CCNE1: variants seen among roughly 807,000 people sequenced by gnomAD.
CCNE1 encodes cyclin E1.
In CCNE1, 8 loss-of-function variants were observed where a neutral mutation model predicts 54.1. The ratio of observed to expected loss-of-function variants is 0.15; its 90% CI spans 0.09 to 0.27. CCNE1 has a LOEUF of 0.27. CCNE1 is among the 10% of genes least tolerant of loss of function. The probability of loss-of-function intolerance (pLI) is 1.00; values close to 1 mark genes in which losing one functional copy is unlikely to be tolerated. For missense variants in CCNE1, 430 were observed against 514.9 expected, an observed-to-expected ratio of 0.84 and a Z score of 1.60; for synonymous variants, 179 against 185.2, an observed-to-expected ratio of 0.97 and a Z score of 0.27.
chr19:29,821,139 C>T (rs1345523409), intron 7 of CCNE1, among the ~76,000 whole-genome samples: 1 of 152,068 alleles, frequency 6.6e-6, no homozygotes, highest in Admixed American at 6.6e-5. Context: ...TGGCTCAAGC[C>T]TATAATCCCA....
At chr19:29,814,424 T>C (rs555361426) in intron 4 of CCNE1, among the ~76,000 whole-genome samples, 9 of 152,302 alleles carry the variant, frequency 5.9e-5, no homozygotes, top group African/African-American at 1.2e-4. Flanking sequence ...CTGGGACGGA[T>C]TGTGGCTCTG....
In CCNE1 at chr19:29,822,067, A is replaced by G. The variant is rs148689492; in HGVS notation, c.777A>G (p.Leu259=). ...WLNVYMQVAY[L]NDLHEVLLPQ... is the part of the protein sequence containing the mutation. ...ATGTATACATGCAGGTTGCATATCT[A>G]AATGACTTACATGAAGTGCTACTGC... The change falls in exon 9 of 12, where the codon CTA becomes CTG. Residue 259 remains leucine, a synonymous_variant. Coordinates refer to ENST00000262643, the MANE Select transcript of CCNE1 (RefSeq NM_001238.4). The G allele has an allele frequency of 4.6e-5, 74 of 1,614,104 alleles. No individual in the cohort carries two copies. The African/African-American group carries it at 9.2e-4, about 20-fold the overall frequency.
chr19:29,817,166 C>A lies in CCNE1; in HGVS notation c.210C>A (p.Asp70Glu), dbSNP rs746361520. ...GGGACAATAATGCAGTCTGTGCAGACCCCTGCTCCCTGATCCCCACACCTG... is the reference window on the plus strand; with the variant it reads ...GGGACAATAATGCAGTCTGTGCAGAACCCTGCTCCCTGATCCCCACACCTG... ...QPWDNNAVCA[D>E]PCSLIPTPDK... Residue 70 changes from aspartate to glutamate, a missense_variant, in exon 5 of 12, where the codon GAC (aspartate) becomes GAA (glutamate). Physicochemically the swap from Asp to Glu is conservative, Grantham distance 45. Coordinates refer to ENST00000262643, the MANE Select transcript of CCNE1 (RefSeq NM_001238.4). The A allele has an allele frequency of 6.2e-7, 1 of 1,614,030 alleles. No individual in the cohort carries two copies. Among genetic ancestry groups the A allele is most frequent in the Non-Finnish European group, 8.5e-7 (1 of 1,180,004 alleles).
intron 4 of CCNE1, among the ~76,000 whole-genome samples, chr19:29,816,127 G>A (rs1465451161): frequency 1.4e-5 from 2 of 148,028 alleles, no homozygotes; most frequent in Non-Finnish European, 3.0e-5. Context: ...CTGCACTCCA[G>A]CCTGGGGAAC....
chr19:29,820,610 T>C, intron 6 of CCNE1, 92 bp from the exon 7 acceptor site: 1 of 920,880 alleles, frequency 1.1e-6, no homozygotes, highest in Non-Finnish European at 1.7e-6. Flanking sequence ...GCATTTTATA[T>C]TTTCCTTCAC....
Position 29,822,523 on chromosome 19 carries a change from T to C in CCNE1, c.1030T>C (p.Ser344Pro), listed in dbSNP as rs1306461910. Residue 344 changes from serine to proline, a missense_variant, in exon 11 of 12, where the codon TCA (serine) becomes CCA (proline). By Grantham distance (74) the Ser-to-Pro change is moderately conservative. Transcript: ENST00000262643. ...FAMVIRETGS[S>P]KLKHFRGVAD... ...CATGGTTATAAGGGAGACGGGGAGC[T>C]CAAAACTGAAGCACTTCAGGGGCGT... The C allele has an allele frequency of 1.2e-6, 2 of 1,613,954 alleles. No individual in the cohort carries two copies. Among genetic ancestry groups the C allele is most frequent in the Non-Finnish European group, 1.7e-6 (2 of 1,179,984 alleles).
chr19:29,820,758 T>C lies in CCNE1; in HGVS notation c.519T>C (p.Phe173=). The part of the protein sequence containing the change: ...RETFYLAQDF[F]DRYMATQENV... ...CCTTTTACTTGGCACAAGATTTCTTTGACCGGTATATGGCGACACAAGAAA... is the reference window on the plus strand; with the variant it reads ...CCTTTTACTTGGCACAAGATTTCTTCGACCGGTATATGGCGACACAAGAAA... Residue 173 remains phenylalanine, a synonymous_variant, in exon 7 of 12, where the codon TTT becomes TTC. Transcript: ENST00000262643. 6.2e-7 allele frequency: 1 copy of C among 1,611,308 alleles called. No individual in the cohort carries two copies. The highest frequency in any genetic ancestry group is 8.5e-7 in the Non-Finnish European group (1 of 1,177,662).
intron 4 of CCNE1, 132 bp downstream of exon 4, chr19:29,813,169 A>G: frequency 2.6e-6 from 2 of 778,290 alleles, no homozygotes; most frequent in Non-Finnish European, 4.3e-6. Context: ...CACAGCCCAT[A>G]TGGCCCAGCA....
intron 4 of CCNE1, chr19:29,813,462 A>T: frequency 6.0e-6 from 1 of 165,964 alleles, no homozygotes; most frequent in Non-Finnish European, 1.3e-5. Context: ...GTTTATAAGC[A>T]ACAACTTTCC....
At chr19:29,813,392 C>T (rs962006112) in intron 4 of CCNE1, 2 of 225,628 alleles carry the variant, frequency 8.9e-6, no homozygotes, top group Non-Finnish European at 1.7e-5. Flanking sequence ...CATCCAGGGG[C>T]AAAGTTGGGC....
At position 29,822,501 on chromosome 19, in the gene CCNE1, G is replaced by T. The variant is rs1599604412; in HGVS notation, c.1008G>T (p.Met336Ile). Residue 336 changes from methionine to isoleucine, a missense_variant, in exon 11 of 12, where the codon ATG becomes ATT. This residue lies in a region of CCNE1 where 303 missense variants were observed against 401.1 expected (regional missense o/e 0.76). Coordinates refer to ENST00000262643, the MANE Select transcript of CCNE1 (RefSeq NM_001238.4). Reference protein sequence around the residue: ...NCVKWMVPFAMVIRETGSSKL... With the variant: ...NCVKWMVPFAIVIRETGSSKL... ...TCAAGTGGATGGTTCCATTTGCCAT[G>T]GTTATAAGGGAGACGGGGAGCTCAA... is the stretch of plus-strand genomic sequence containing the variant. 6.2e-7 allele frequency: 1 copy of T among 1,614,120 alleles called. No homozygotes were observed. Among genetic ancestry groups the T allele is most frequent in the East Asian group, 2.2e-5 (1 of 44,880 alleles).
chr19:29,820,187 G>A (rs964555840), intron 6 of CCNE1, among the ~76,000 whole-genome samples: 6 of 152,180 alleles, frequency 3.9e-5, no homozygotes, highest in Non-Finnish European at 7.3e-5. Flanking sequence ...GGGATGTGCG[G>A]GCAAGGGGAT....
intron 11 of CCNE1, 29 bp from the exon 12 acceptor site, chr19:29,823,626 T>C (rs1243648155): frequency 1.9e-6 from 3 of 1,604,946 alleles, no homozygotes; most frequent in Admixed American, 1.7e-5. Context: ...TCTACTCTAA[T>C]GTGTTGTCCC....
chr19:29,823,586 G>C (rs904284768), intron 11 of CCNE1, 69 bp from the exon 12 acceptor site: 13 of 1,365,058 alleles, frequency 9.5e-6, no homozygotes, highest in Non-Finnish European at 1.1e-5. Context: ...AAAAGAAAAA[G>C]CCTATGGTAA....
Position 29,817,387 on chromosome 19 carries a change from G to C in CCNE1, c.327-19G>C. The C allele has an allele frequency of 6.2e-7, 1 of 1,613,898 alleles. No individual in the cohort carries two copies. The highest frequency in any genetic ancestry group is 1.1e-5 in the South Asian group (1 of 91,050). On this transcript the variant is annotated intron_variant, in intron 5 of 11. Coordinates refer to ENST00000262643, the MANE Select transcript of CCNE1 (RefSeq NM_001238.4). ...TTACCCCTTTGTGGGCCTCATTTTT[G>C]TTGTGTGTTTTGTTGTAGCTGGGCA...
At chr19:29,813,363 G>A in intron 4 of CCNE1, 1 of 315,186 alleles carries the variant, frequency 3.2e-6, no homozygotes, top group Non-Finnish European at 6.0e-6. Context: ...GAGGAAGAAA[G>A]TAACCCAGAG....
At position 29,820,694 on chromosome 19, in the gene CCNE1, G is replaced by A. The variant is rs1307371356; in HGVS notation, c.463-8G>A. The A allele has an allele frequency of 1.3e-6, 2 of 1,591,780 alleles. No individual in the cohort carries two copies. The highest frequency in any genetic ancestry group is 1.7e-6 in the Non-Finnish European group (2 of 1,167,166). On this transcript the variant is annotated splice_polypyrimidine_tract_variant and splice_region_variant and intron_variant, in intron 6 of 11. Transcript: ENST00000262643. ...ACTTGTGCTAAAACTTACTAAATAT[G>A]TTTTCAGGTGTGTGAAGTCTATAAA...
At chr19:29,816,768 T>A (rs931391927) in intron 4 of CCNE1, among the ~76,000 whole-genome samples, 1 of 152,162 alleles carries the variant, frequency 6.6e-6, no homozygotes, top group Admixed American at 6.5e-5. Context: ...TAGTTACATA[T>A]GTATACATGT....
Position 29,823,795 on chromosome 19 carries a change from A to C in CCNE1, c.*18A>C. ...TGGCGTGACCACCCCATCCTTCTCC[A>C]CCAAAGACAGTTGCGCGCCTGCTCC... On this transcript the variant is annotated 3_prime_UTR_variant, in exon 12 of 12. Transcript: ENST00000262643. 1 of 1,598,132 alleles carries C rather than the reference A, an allele frequency of 6.3e-7. No homozygotes were observed. The highest frequency in any genetic ancestry group is 8.5e-7 in the Non-Finnish European group (1 of 1,171,714).
Sources: allele counts gnomAD v4.1 joint callset (sites outside exome capture counted in the v4.1 genomes callset), GRCh38; gene constraint gnomAD v4.1.1; regional missense constraint gnomAD v4.1.1; transcripts MANE v1.5; gene names NCBI Gene and HGNC (gene_info 2026-07-23, HGNC 2026-07-21).